The following LPP variants were observed in gnomAD, a reference collection of about 807,000 sequenced individuals.
The protein encoded by LPP is lipoma-preferred partner.
Under a neutral mutation model 60.4 loss-of-function variants are expected in LPP, and 38 were observed. The ratio of observed to expected loss-of-function variants is 0.63; its 90% CI spans 0.49 to 0.83. The LOEUF (loss-of-function observed/expected upper bound fraction) is 0.83, where lower values mean the gene tolerates loss of function less well. Among genes scored for constraint, LPP ranks in the 40% least tolerant of loss-of-function variants. The pLI, the probability that LPP is intolerant of heterozygous loss-of-function variation, is 0.00. For synonymous variants in LPP, 328 were observed against 290.8 expected (o/e 1.13, Z -1.30); for missense variants, 902 against 783.6 (o/e 1.15, Z -1.80).
intron 9 of LPP, among the ~76,000 whole-genome samples, chr3:188,811,917 C>A (rs1488224776): frequency 6.6e-6 from 1 of 152,072 alleles, no homozygotes; most frequent in Non-Finnish European, 1.5e-5. Flanking sequence ...ACATGCAATG[C>A]ATAATAATCA....
At chr3:188,361,748 A>C (rs1209406830) in intron 3 of LPP, among the ~76,000 whole-genome samples, 2 of 151,916 alleles carry the variant, frequency 1.3e-5, no homozygotes, top group African/African-American at 4.8e-5. Context: ...TTGTATTTTT[A>C]GTAGAGATGG....
intron 1 of LPP, among the ~76,000 whole-genome samples, chr3:188,174,945 C>T (rs1008368629): frequency 4.6e-5 from 7 of 152,040 alleles, no homozygotes; most frequent in South Asian, 2.1e-4. Context: ...TCAATATGCT[C>T]GTCTTATTTT....
At chr3:188,855,088 A>C (rs1340757711) in intron 9 of LPP, among the ~76,000 whole-genome samples, 1 of 152,230 alleles carries the variant, frequency 6.6e-6, no homozygotes, top group Non-Finnish European at 1.5e-5. Context: ...CATGGTAGAC[A>C]AATACTGTAA....
intron 8 of LPP, among the ~76,000 whole-genome samples, chr3:188,715,759 G>A (rs1030828506): frequency 2.6e-5 from 4 of 152,262 alleles, no homozygotes; most frequent in African/African-American, 2.4e-5. Context: ...AAGAGAAAGC[G>A]TGTTTGTATA....
At chr3:188,378,937 T>G (rs1776085873) in intron 3 of LPP, among the ~76,000 whole-genome samples, 1 of 152,160 alleles carries the variant, frequency 6.6e-6, no homozygotes, top group African/African-American at 2.4e-5. Context: ...GTTAATTACT[T>G]TATTGGATTC....
intron 4 of LPP, among the ~76,000 whole-genome samples, chr3:188,468,447 T>C (rs1020427887): frequency 2.6e-5 from 4 of 152,140 alleles, no homozygotes; most frequent in African/African-American, 9.7e-5. Context: ...CAGGAGGTGG[T>C]CTGGATTTGG....
rs367718478 is a variant in LPP, at chr3:188,883,952, CTATT to C, written c.*9476_*9479del. On this transcript the variant is annotated 3_prime_UTR_variant, in exon 12 of 12. Coordinates refer to ENST00000617246, the MANE Select transcript of LPP (RefSeq NM_001375462.1). ...ATGCTTTCCTCATTGCTCTGGATGA[CTATT>C]TAGTTTAAATAATATACCTTTGTCA... 5.4e-4 allele frequency: 117 copies of C among 216,610 alleles called. 1 individual carries two copies. Among genetic ancestry groups the C allele is most frequent in the African/African-American group, 2.2e-3 (96 of 44,544 alleles). The allele number at this position is 216,610 out of a possible 1,614,324, so 13.4% of individuals were successfully genotyped here.
chr3:188,646,194 C>T (rs1851070116), intron 7 of LPP, among the ~76,000 whole-genome samples: 1 of 152,156 alleles, frequency 6.6e-6, no homozygotes, highest in African/African-American at 2.4e-5. Flanking sequence ...CATTCATTCA[C>T]CCTAGGGTAA....
At chr3:188,434,969 G>A (rs113079634) in intron 4 of LPP, among the ~76,000 whole-genome samples, 77 of 152,188 alleles carry the variant, frequency 5.1e-4, no homozygotes, top group Non-Finnish European at 9.4e-4. Flanking sequence ...ATGAAAGACT[G>A]AAGCTTAGTA....
At chr3:188,421,618 T>C (rs1163040608) in intron 4 of LPP, among the ~76,000 whole-genome samples, 2 of 152,188 alleles carry the variant, frequency 1.3e-5, no homozygotes, top group African/African-American at 2.4e-5. Flanking sequence ...AATGGTAATA[T>C]AGCAATTAAT....
At chr3:188,811,499 G>A (rs868817233) in intron 9 of LPP, among the ~76,000 whole-genome samples, 1 of 152,078 alleles carries the variant, frequency 6.6e-6, no homozygotes, top group Non-Finnish European at 1.5e-5. Context: ...TGTAGATAGT[G>A]CGTAAGAATT....
At chr3:188,777,599 A>C (rs1176010648) in intron 9 of LPP, among the ~76,000 whole-genome samples, 1 of 152,186 alleles carries the variant, frequency 6.6e-6, no homozygotes, top group Non-Finnish European at 1.5e-5. Context: ...CTGTTTATCT[A>C]AGCATGTCAG....
At chr3:188,777,145 G>GT (rs138964707) in intron 9 of LPP, among the ~76,000 whole-genome samples, 14,533 of 152,096 alleles carry the variant, frequency 0.096, 709 homozygotes, top group Middle Eastern at 0.11. Flanking sequence ...TTTTATAGTT[G>GT]TTTTCATTTG....
intron 7 of LPP, among the ~76,000 whole-genome samples, chr3:188,640,221 A>G (rs1849768300): frequency 6.6e-6 from 1 of 151,538 alleles, no homozygotes; most frequent in Admixed American, 6.6e-5. Context: ...CTTTGTAGGG[A>G]CATGGATGAA....
intron 8 of LPP, among the ~76,000 whole-genome samples, chr3:188,730,729 T>G (rs538783127): frequency 6.6e-6 from 1 of 152,232 alleles, no homozygotes; most frequent in African/African-American, 2.4e-5. Context: ...TTCTGTAGGT[T>G]AGATGTTCAA....
At chr3:188,635,884 A>C (rs976535700) in intron 7 of LPP, among the ~76,000 whole-genome samples, 2 of 152,192 alleles carry the variant, frequency 1.3e-5, no homozygotes, top group African/African-American at 4.8e-5. Flanking sequence ...GTGTCAGATT[A>C]CTGGAAAAAG....
intron 1 of LPP, chr3:188,213,170 A>G (rs928311655): frequency 2.0e-5 from 3 of 152,206 alleles, no homozygotes; most frequent in Admixed American, 2.0e-4. Context: ...GTCTGTGGAC[A>G]TGTAGGGAGG....
chr3:188,634,355 G>T (rs1360080810), intron 7 of LPP, among the ~76,000 whole-genome samples: 1 of 152,198 alleles, frequency 6.6e-6, no homozygotes, highest in Admixed American at 6.5e-5. Context: ...ACAATCCCTT[G>T]CCCTCAAAGG....
rs1476157668 is a variant in LPP at position 188,886,163 on chromosome 3, A to AGGAG, written c.*11692_*11695dup. 7.0e-6 allele frequency: 1 copy of AGGAG among 143,394 alleles called. No individual in the cohort carries two copies. Among genetic ancestry groups the AGGAG allele is most frequent in the African/African-American group, 2.6e-5 (1 of 39,080 alleles). 8.9% of individuals were successfully genotyped at this position (143,394 alleles called of 1,614,324 possible). A position where few individuals can be genotyped will look rare whatever the true frequency, so the allele number is the denominator to read the frequency against. ...CTGGGGACTGTTGTGGGGTGGAGGG[A>AGGAG]GGAGGGAGGGATAGCATTAGGAGAT... On this transcript the variant is annotated 3_prime_UTR_variant, in exon 12 of 12. Coordinates refer to ENST00000617246, the MANE Select transcript of LPP (RefSeq NM_001375462.1).
Sources: gnomAD v4.1 joint callset for allele counts (sites outside exome capture counted in the v4.1 genomes callset) on GRCh38, gnomAD v4.1.1 for gene constraint, MANE v1.5 for transcripts, NCBI Gene and HGNC (gene_info 2026-07-23, HGNC 2026-07-21) for gene names.